Variants in RSF1 observed in about 807,000 individuals in gnomAD.
RSF1 encodes the protein remodeling and spacing factor 1, also known as HBV pX-associated protein 8.
Under a neutral mutation model 145.2 loss-of-function variants are expected in RSF1, and 13 were observed. The observed-to-expected ratio is 0.09, with a 90% confidence interval of 0.06 to 0.14. The LOEUF (loss-of-function observed/expected upper bound fraction) is 0.14, where lower values mean the gene tolerates loss of function less well. RSF1 is among the 10% of genes least tolerant of loss of function. RSF1 has a pLI of 1.00. For missense variants in RSF1, 1,517 were observed against 1,718.2 expected (o/e 0.88, Z 2.07); for synonymous variants, 577 against 592.6 (o/e 0.97, Z 0.38).
At chr11:77,813,315 T>C in intron 1 of RSF1, 1 of 795,272 alleles carries the variant, frequency 1.3e-6, no homozygotes, top group East Asian at 2.4e-5. Flanking sequence ...TTAAAATAGT[T>C]GACTTAAGCA....
At chr11:77,828,298 C>CA in the RSF1 span, among the ~76,000 whole-genome samples, 22 of 150,932 alleles carry the variant, frequency 1.5e-4, 1 homozygote, top group South Asian at 4.0e-3. Context: ...ACACAAACAG[C>CA]AAAAAAATGA....
At chr11:77,790,922 G>A (rs768707185) in intron 1 of RSF1, among the ~76,000 whole-genome samples, 42 of 152,302 alleles carry the variant, frequency 2.8e-4, no homozygotes, top group Non-Finnish European at 4.1e-4. Flanking sequence ...GACTGTCTGC[G>A]GCTTTTCCAG....
chr11:77,842,440 CTTTAT>C, the RSF1 span: 6 of 1,587,904 alleles, frequency 3.8e-6, no homozygotes, highest in East Asian at 2.2e-5. Flanking sequence ...TTCAGCCTTA[CTTTAT>C]AACTGATTTA....
chr11:77,852,720 G>GA, the RSF1 span, among the ~76,000 whole-genome samples: 3 of 151,648 alleles, frequency 2.0e-5, no homozygotes, highest in Admixed American at 6.6e-5. Flanking sequence ...TATTTTTCTG[G>GA]AAAAAATAAG....
At chr11:77,699,946 A>C (rs1450370541) in intron 6 of RSF1, among the ~76,000 whole-genome samples, 1 of 152,220 alleles carries the variant, frequency 6.6e-6, no homozygotes, top group Non-Finnish European at 1.5e-5. Context: ...ATCTACGGAC[A>C]TGAAGAGTTC....
upstream of RSF1, among the ~76,000 whole-genome samples, chr11:77,825,371 T>C (rs1354035229): frequency 2.6e-5 from 4 of 152,068 alleles, no homozygotes; most frequent in Admixed American, 2.0e-4. Context: ...GAATTCCTAA[T>C]CAAGGATGAG....
At chr11:77,858,020 C>T in the RSF1 span, among the ~76,000 whole-genome samples, 1 of 151,890 alleles carries the variant, frequency 6.6e-6, no homozygotes, top group Non-Finnish European at 1.5e-5. Context: ...GCCCCACATG[C>T]ATTAGGTATT....
chr11:77,861,809 G>T, the RSF1 span, among the ~76,000 whole-genome samples: 1 of 152,060 alleles, frequency 6.6e-6, no homozygotes, highest in East Asian at 1.9e-4. Context: ...TATCCCATTT[G>T]TCCCGTTCTG....
intron 10 of RSF1, among the ~76,000 whole-genome samples, chr11:77,684,165 A>G (rs1027164251): frequency 2.6e-5 from 4 of 152,252 alleles, no homozygotes; most frequent in Non-Finnish European, 4.4e-5. Flanking sequence ...TGAAAGATTT[A>G]GAAGAAAGGG....
chr11:77,813,470 A>C, intron 1 of RSF1: 2 of 1,095,230 alleles, frequency 1.8e-6, no homozygotes, highest in Non-Finnish European at 2.8e-6. Flanking sequence ...CCTTCACCAC[A>C]AGGACTTTTT....
At position 77,667,339 on chromosome 11, in the gene RSF1, G is replaced by C; in HGVS notation, c.3904C>G (p.Arg1302Gly). 1 of 1,613,930 alleles carries C rather than the reference G, an allele frequency of 6.2e-7. No individual in the cohort carries two copies. The highest frequency in any genetic ancestry group is 2.2e-5 in the East Asian group (1 of 44,872). ...CTCTCCTCCTCATCCGTCTCAATCC[G>C]GTGTAGCCGTTTGCGGGATGGTTTG... ...EGKPSRKRLH[R>G]IETDEEESCD... Residue 1302 changes from arginine (R) to glycine (G), a missense_variant, in exon 16 of 16, where the codon CGG (arginine) becomes GGG (glycine). Transcript: ENST00000308488.
In RSF1 at chr11:77,782,171, TAATTAC is replaced by T. The variant is rs201607264; in HGVS notation, c.188-17488_188-17483del. Among the ~76,000 whole-genome samples the T allele has an allele frequency of 3.8e-4, 58 of 152,294 alleles. No homozygotes were observed. The East Asian group carries it at 9.9e-3, about 26-fold the overall frequency. Reference sequence around the variant, plus strand: ...CCACTCTACCAATCTCATTTAATTTTAATTACAATACCACATGTGGCTTAGTGGTGA... The same window carrying T: ...CCACTCTACCAATCTCATTTAATTTTAATACCACATGTGGCTTAGTGGTGA... On this transcript the variant is annotated intron_variant, in intron 1 of 15. Transcript: ENST00000308488.
At chr11:77,844,975 C>T in the RSF1 span, among the ~76,000 whole-genome samples, 1 of 152,124 alleles carries the variant, frequency 6.6e-6, no homozygotes, top group Non-Finnish European at 1.5e-5. Flanking sequence ...ATAAATCAAC[C>T]ATTAGCATTA....
At chr11:77,790,261 G>A (rs1030953527) in intron 1 of RSF1, among the ~76,000 whole-genome samples, 1 of 152,118 alleles carries the variant, frequency 6.6e-6, no homozygotes, top group Non-Finnish European at 1.5e-5. Context: ...GATGGTGGCA[G>A]GCAAAGAGAG....
rs750933315 is a variant in RSF1, at chr11:77,667,373, TTCCTCC to T, written c.3864_3869del (p.Glu1291_Glu1292del). The T allele has an allele frequency of 1.9e-6, 3 of 1,613,274 alleles. No individual in the cohort carries two copies. The highest frequency in any genetic ancestry group is 2.2e-5 in the South Asian group (2 of 91,044). ...GTTTGCGGGATGGTTTGCCTTCCTCTTCCTCCTCCTCCTCATCTGCTTCTGAATACT... is the reference window on the plus strand; with the variant it reads ...GTTTGCGGGATGGTTTGCCTTCCTCTTCCTCCTCATCTGCTTCTGAATACT... On this transcript the variant is annotated inframe_deletion, in exon 16 of 16. Coordinates refer to ENST00000308488, the MANE Select transcript of RSF1 (RefSeq NM_016578.4).
intron 15 of RSF1, 127 bp downstream of exon 15, chr11:77,671,915 T>G: frequency 4.8e-6 from 4 of 840,582 alleles, no homozygotes; most frequent in Non-Finnish European, 7.1e-6. Flanking sequence ...ATTACAGGCG[T>G]GAGCCACCAT....
intron 1 of RSF1, among the ~76,000 whole-genome samples, chr11:77,782,894 CTAAAAT>C (rs1301187488): frequency 6.6e-6 from 1 of 152,156 alleles, no homozygotes; most frequent in Admixed American, 6.5e-5. Context: ...TAACCCCAAA[CTAAAAT>C]TATTTGTTTA....
chr11:77,762,031 T>TTTTTTC (rs1948180005), intron 2 of RSF1: 1 of 100,010 alleles, frequency 1.0e-5, no homozygotes, highest in African/African-American at 3.6e-5. Flanking sequence ...TCTTTTCTTT[T>TTTTTTC]TTTTTTTTTT....
At chr11:77,786,289 C>G (rs1484148032) in intron 1 of RSF1, among the ~76,000 whole-genome samples, 1 of 152,058 alleles carries the variant, frequency 6.6e-6, no homozygotes, top group Non-Finnish European at 1.5e-5. Flanking sequence ...ATTAAAGTAT[C>G]CTATGTTGTG....
Sources: gnomAD v4.1 joint callset for allele counts (sites outside exome capture counted in the v4.1 genomes callset) on GRCh38, gnomAD v4.1.1 for gene constraint, MANE v1.5 for transcripts, NCBI Gene and HGNC (gene_info 2026-07-23, HGNC 2026-07-21) for gene names.